Variants in ANXA4 observed in about 807,000 individuals in gnomAD.
The protein encoded by ANXA4 is annexin A4.
In ANXA4, 39 loss-of-function variants were observed where a neutral mutation model predicts 49.8. The observed-to-expected ratio is 0.78, with a 90% CI of 0.61 to 1.02. ANXA4 has a LOEUF of 1.02. Among genes scored for constraint, ANXA4 ranks in the 50% least tolerant of loss-of-function variants. The pLI is 0.00. For missense variants in ANXA4, 360 were observed against 410.1 expected (o/e 0.88, Z 1.05); for synonymous variants, 134 against 152.5 (o/e 0.88, Z 0.89).
intron 9 of ANXA4, chr2:69,818,390 A>T (rs115701587): frequency 2.9e-6 from 1 of 345,688 alleles, no homozygotes; most frequent in African/African-American, 2.1e-5. Context: ...GATGTCCTCC[A>T]AACATCACAG....
intron 2 of ANXA4, among the ~76,000 whole-genome samples, chr2:69,715,355 G>T (rs559316724): frequency 1.3e-4 from 20 of 152,158 alleles, no homozygotes; most frequent in Middle Eastern, 3.4e-3. Context: ...TTACAGGTAC[G>T]CACCACCATG....
At chr2:69,713,201 A>G (rs1678733177) in intron 2 of ANXA4, among the ~76,000 whole-genome samples, 1 of 152,002 alleles carries the variant, frequency 6.6e-6, no homozygotes, top group Admixed American at 6.6e-5. Context: ...AAAGAAAATG[A>G]AAGGATGGAA....
At position 69,750,713 on chromosome 2, in the gene ANXA4, C is replaced by G. The variant is rs902405392; in HGVS notation, c.-47+8538C>G. 2.6e-4 allele frequency among the ~76,000 whole-genome samples: 40 copies of G among 152,176 alleles called. 4 individuals carry two copies. The highest frequency in any genetic ancestry group is 2.1e-3 in the Admixed American group (32 of 15,264). On this transcript the variant is annotated intron_variant, in intron 1 of 12. Transcript: ENST00000394295. ...ACAAGCATGAGCCATGGTGCCTGAC[C>G]TAGCTCTGTTTTTAAATGGTCTGAT... is the stretch of plus-strand genomic sequence containing the variant.
Position 69,732,126 on chromosome 2 carries a change from C to T in ANXA4, n.864+11255C>T, listed in dbSNP as rs994366484. Among the ~76,000 whole-genome samples the T allele has an allele frequency of 3.8e-4, 58 of 151,690 alleles. 1 individual carries two copies. The highest frequency in any genetic ancestry group is 1.2e-3 in the African/African-American group (50 of 41,410). ...CTGAGTAGCTGGGACTACAGGCGCC[C>T]GCCACCACGCCCGGCTAATTTTTTG... On this transcript the variant is annotated intron_variant and non_coding_transcript_variant, in intron 3 of 3. Coordinates refer to the ANXA4 transcript ENST00000418066.
At chr2:69,685,269 G>T (rs1373487685) in intron 2 of ANXA4, among the ~76,000 whole-genome samples, 3 of 152,120 alleles carry the variant, frequency 2.0e-5, no homozygotes, top group Non-Finnish European at 4.4e-5. Context: ...TTATCTCTTG[G>T]CTTTGACAGA....
intron 3 of ANXA4, among the ~76,000 whole-genome samples, chr2:69,733,896 A>C (rs938089959): frequency 6.6e-6 from 1 of 151,168 alleles, no homozygotes. Context: ...ATGCTTACTC[A>C]TCCTTGAAGG....
At chr2:69,718,778 CACACATGCAT>C (rs1317680193) in intron 2 of ANXA4, among the ~76,000 whole-genome samples, 1 of 144,878 alleles carries the variant, frequency 6.9e-6, no homozygotes, top group East Asian at 1.9e-4. Flanking sequence ...CACACATTCA[CACACATGCAT>C]ACACATACGT....
chr2:69,749,461 A>G (rs1201061692), intron 1 of ANXA4, among the ~76,000 whole-genome samples: 1 of 152,186 alleles, frequency 6.6e-6, no homozygotes, highest in East Asian at 1.9e-4. Context: ...GTAGCAAAAT[A>G]GTAGAAACAA....
chr2:69,735,845 C>T (rs1485901388), intron 3 of ANXA4, among the ~76,000 whole-genome samples: 1 of 152,204 alleles, frequency 6.6e-6, no homozygotes, highest in Non-Finnish European at 1.5e-5. Flanking sequence ...AATGTGTCAA[C>T]TGGCTACCAT....
intron 2 of ANXA4, among the ~76,000 whole-genome samples, chr2:69,707,071 G>C (rs1375807508): frequency 6.6e-6 from 1 of 152,052 alleles, no homozygotes; most frequent in African/African-American, 2.4e-5. Context: ...GTAGAATACT[G>C]GTATCTTTCT....
At chr2:69,753,076 G>T (rs911703883) in intron 1 of ANXA4, among the ~76,000 whole-genome samples, 1 of 152,108 alleles carries the variant, frequency 6.6e-6, no homozygotes, top group African/African-American at 2.4e-5. Context: ...CCTGCAATTC[G>T]TAATAGTTCT....
chr2:69,679,938 T>C (rs986373440), intron 2 of ANXA4, among the ~76,000 whole-genome samples: 10 of 152,352 alleles, frequency 6.6e-5, no homozygotes, highest in African/African-American at 2.4e-4. Flanking sequence ...TCAGGTAGTG[T>C]GATGCCTCTT....
At chr2:69,683,165 CAT>C (rs1002692191) in intron 2 of ANXA4, among the ~76,000 whole-genome samples, 1 of 152,188 alleles carries the variant, frequency 6.6e-6, no homozygotes, top group African/African-American at 2.4e-5. Context: ...AATAAACACA[CAT>C]ATGTCAATAA....
At position 69,798,495 on chromosome 2, in the gene ANXA4, AG is replaced by A. The variant is rs139742610; in HGVS notation, c.98-6035del. ...GTCCAGGAGCCTTTTGAATAACACCAGGGTGTGGCCCTGGCCAGAAATTCTC... is the reference window on the plus strand; with the variant it reads ...GTCCAGGAGCCTTTTGAATAACACCAGGTGTGGCCCTGGCCAGAAATTCTC... On this transcript the variant is annotated intron_variant, in intron 3 of 12. Coordinates refer to ENST00000394295, the MANE Select transcript of ANXA4 (RefSeq NM_001153.5). 7.4e-3 allele frequency among the ~76,000 whole-genome samples: 1,129 copies of A among 152,322 alleles called. 18 individuals are homozygous for A. The highest frequency in any genetic ancestry group is 0.025 in the African/African-American group (1,030 of 41,564).
chr2:69,765,960 C>T (rs1232296373), intron 1 of ANXA4, among the ~76,000 whole-genome samples: 1 of 152,202 alleles, frequency 6.6e-6, no homozygotes, highest in Non-Finnish European at 1.5e-5. Flanking sequence ...GCATTTCTTG[C>T]AGGCCCGCTA....
intron 1 of ANXA4, among the ~76,000 whole-genome samples, chr2:69,647,935 A>C (rs1383405744): frequency 6.6e-6 from 1 of 152,246 alleles, no homozygotes; most frequent in Non-Finnish European, 1.5e-5. Context: ...ATACTGTTAC[A>C]CTATTATTCC....
intron 1 of ANXA4, among the ~76,000 whole-genome samples, chr2:69,751,350 A>G (rs539345004): frequency 5.9e-5 from 9 of 152,084 alleles, no homozygotes; most frequent in African/African-American, 2.2e-4. Context: ...TACCAAAGAT[A>G]TAAAACAATT....
At chr2:69,750,027 C>T (rs1670774788) in intron 1 of ANXA4, among the ~76,000 whole-genome samples, 1 of 151,852 alleles carries the variant, frequency 6.6e-6, no homozygotes. Context: ...GAGTGGTTGC[C>T]TGGGGAGGGG....
At chr2:69,684,718 A>G (rs944223633) in intron 2 of ANXA4, among the ~76,000 whole-genome samples, 2 of 151,936 alleles carry the variant, frequency 1.3e-5, no homozygotes, top group African/African-American at 4.8e-5. Flanking sequence ...AAGAGAAAAA[A>G]AAACCCCATC....
Sources: gnomAD v4.1 joint callset for allele counts (sites outside exome capture counted in the v4.1 genomes callset) on GRCh38, gnomAD v4.1.1 for gene constraint, MANE v1.5 for transcripts, NCBI Gene and HGNC (gene_info 2026-07-23, HGNC 2026-07-21) for gene names.